The following PMS1 variants were observed in gnomAD, a reference collection of about 807,000 sequenced individuals.
PMS1 encodes PMS1 protein homolog 1.
In PMS1, 79 loss-of-function variants were observed where a neutral mutation model predicts 93.1. That is an observed-to-expected ratio of 0.85 (90% CI 0.71 to 1.02). The LOEUF (loss-of-function observed/expected upper bound fraction) is 1.02. Ranked by LOEUF, PMS1 falls within the 50% of genes least tolerant of loss-of-function variation. The probability of loss-of-function intolerance (pLI) is 0.00; values close to 1 mark genes in which losing one functional copy is unlikely to be tolerated. For synonymous variants in PMS1, 335 were observed against 363.4 expected (o/e 0.92, Z 0.89); for missense variants, 1,064 against 1,085.3 (o/e 0.98, Z 0.28).
intron 2 of PMS1, 45 bp from the exon 3 acceptor site, chr2:189,795,724 G>A: frequency 7.1e-7 from 1 of 1,413,652 alleles, no homozygotes; most frequent in Non-Finnish European, 1.0e-6. Context: ...TGTGATAACA[G>A]TTTAATATTT....
At chr2:189,833,828 G>A (rs1233242) in intron 5 of PMS1, among the ~76,000 whole-genome samples, 2,701 of 152,184 alleles carry the variant, frequency 0.018, 78 homozygotes, top group African/African-American at 0.061. Context: ...TTTGTTATAG[G>A]AAGTGCTTTA....
chr2:189,840,817 A>G (rs900608061), intron 5 of PMS1, among the ~76,000 whole-genome samples: 1 of 152,200 alleles, frequency 6.6e-6, no homozygotes, highest in South Asian at 2.1e-4. Context: ...TACTATTCTA[A>G]TGTGCTTTTT....
chr2:189,834,097 A>T (rs763963126), intron 5 of PMS1, among the ~76,000 whole-genome samples: 1 of 152,172 alleles, frequency 6.6e-6, no homozygotes, highest in African/African-American at 2.4e-5. Context: ...GAGCATTCAC[A>T]GCACAGCGCC....
chr2:189,867,146 G>T lies in PMS1; in HGVS notation c.2343-653G>T, dbSNP rs554832856. ...TATTCATTGAAGGAGTGGCAAGATG[G>T]TAACTATTCACATCAACCCCGACAG... On this transcript the variant is annotated intron_variant, in intron 10 of 12. Coordinates refer to ENST00000441310, the MANE Select transcript of PMS1 (RefSeq NM_000534.5). Among the ~76,000 whole-genome samples the T allele has an allele frequency of 4.6e-5, 7 of 152,306 alleles. No homozygotes were observed. The South Asian group carries it at 8.3e-4, about 18-fold the overall frequency.
At chr2:189,839,552 T>A (rs1408551904) in intron 5 of PMS1, among the ~76,000 whole-genome samples, 1 of 152,212 alleles carries the variant, frequency 6.6e-6, no homozygotes, top group East Asian at 1.9e-4. Flanking sequence ...GCATGTACTA[T>A]CCTATTTGTC....
rs1470231307 is a variant in PMS1 at position 189,823,642 on chromosome 2, A to T, written c.582+5462A>T. 4.6e-5 allele frequency among the ~76,000 whole-genome samples: 7 copies of T among 152,260 alleles called. 1 individual carries two copies. Among genetic ancestry groups the T allele is most frequent in the Non-Finnish European group, 8.8e-5 (6 of 68,048 alleles). On this transcript the variant is annotated intron_variant, in intron 5 of 12. Coordinates refer to ENST00000441310, the MANE Select transcript of PMS1 (RefSeq NM_000534.5). ...ATGTCTGCCGTGTTGCTCATTTAAA[A>T]AAAGTATTTATTGAATAAGGCTGTT...
intron 5 of PMS1, among the ~76,000 whole-genome samples, chr2:189,832,232 A>G (rs1348868124): frequency 6.6e-6 from 1 of 152,196 alleles, no homozygotes; most frequent in African/African-American, 2.4e-5. Flanking sequence ...TGGAGTTGTA[A>G]TGCAGAAGAG....
At chr2:189,832,394 A>G (rs1249929177) in intron 5 of PMS1, among the ~76,000 whole-genome samples, 1 of 152,192 alleles carries the variant, frequency 6.6e-6, no homozygotes, top group Non-Finnish European at 1.5e-5. Flanking sequence ...GTAAAGTCAA[A>G]TATGTTAGAA....
chr2:189,836,656 A>C (rs943039076), intron 5 of PMS1, among the ~76,000 whole-genome samples: 1 of 152,206 alleles, frequency 6.6e-6, no homozygotes, highest in Non-Finnish European at 1.5e-5. Flanking sequence ...CCCAATGAGA[A>C]GATTTTACTT....
chr2:189,826,834 TATTAA>T (rs779142552), intron 5 of PMS1, among the ~76,000 whole-genome samples: 4 of 152,204 alleles, frequency 2.6e-5, no homozygotes, highest in East Asian at 1.9e-4. Flanking sequence ...CAGGATGGAA[TATTAA>T]ATTAATTAGG....
At chr2:189,876,440 A>G (rs1275896360) in intron 12 of PMS1, among the ~76,000 whole-genome samples, 4 of 152,194 alleles carry the variant, frequency 2.6e-5, no homozygotes, top group Non-Finnish European at 5.9e-5. Flanking sequence ...CAAAACACCA[A>G]TTCCTCACCC....
chr2:189,836,339 A>G (rs1377454138), intron 5 of PMS1, among the ~76,000 whole-genome samples: 2 of 152,234 alleles, frequency 1.3e-5, no homozygotes, highest in Non-Finnish European at 2.9e-5. Flanking sequence ...CATACTGACT[A>G]GAGTCAGATT....
chr2:189,817,413 T>G (rs1472703119), intron 4 of PMS1, among the ~76,000 whole-genome samples: 1 of 152,248 alleles, frequency 6.6e-6, no homozygotes, highest in Non-Finnish European at 1.5e-5. Context: ...CATTCAGTCC[T>G]AATTTTATGT....
At chr2:189,872,137 C>T (rs777180116) in intron 11 of PMS1, among the ~76,000 whole-genome samples, 112 of 152,140 alleles carry the variant, frequency 7.4e-4, no homozygotes, top group Non-Finnish European at 1.4e-3. Flanking sequence ...AGGGGACACA[C>T]ATCTAAACCA....
intron 12 of PMS1, among the ~76,000 whole-genome samples, chr2:189,875,937 T>C (rs992620787): frequency 1.8e-4 from 21 of 115,150 alleles, no homozygotes; most frequent in Admixed American, 1.0e-3. Flanking sequence ...GCCTGGGCGA[T>C]AGAGCTAGAC....
At position 189,843,983 on chromosome 2, in the gene PMS1, G is replaced by T. The variant is rs762396678; in HGVS notation, c.602G>T (p.Ser201Ile). Residue 201 changes from serine (S) to isoleucine (I), a missense_variant, in exon 6 of 13, where the codon AGC becomes ATC. By Grantham distance (142) the Ser-to-Ile change is moderately radical. Coordinates refer to ENST00000441310, the MANE Select transcript of PMS1 (RefSeq NM_000534.5). ...VHNKAVIWQK[S>I]RVSDHKMALM... ...CCCTAGGCAGTTATTTGGCAGAAAAGCAGAGTATCAGATCACAAGATGGCT... is the reference window on the plus strand; with the variant it reads ...CCCTAGGCAGTTATTTGGCAGAAAATCAGAGTATCAGATCACAAGATGGCT... 1.9e-6 allele frequency: 3 copies of T among 1,613,970 alleles called. No individual in the cohort carries two copies. The highest frequency in any genetic ancestry group is 1.7e-6 in the Non-Finnish European group (2 of 1,179,918).
chr2:189,792,799 A>T (rs1007224670), intron 2 of PMS1, among the ~76,000 whole-genome samples: 47 of 148,080 alleles, frequency 3.2e-4, no homozygotes, highest in Non-Finnish European at 1.9e-4. Context: ...TTTATTTTTT[A>T]TTTATTTATT....
chr2:189,785,476 G>A (rs2048218967), intron 1 of PMS1: 1 of 152,142 alleles, frequency 6.6e-6, no homozygotes, highest in Admixed American at 6.6e-5. Flanking sequence ...TGATTTGTAA[G>A]CCCGATATAA....
chr2:189,828,398 C>T (rs182727972), intron 5 of PMS1, among the ~76,000 whole-genome samples: 1 of 152,298 alleles, frequency 6.6e-6, no homozygotes, highest in African/African-American at 2.4e-5. Context: ...ATTATGTATA[C>T]ATGCATTAAA....
Sources: allele counts gnomAD v4.1 joint callset (sites outside exome capture counted in the v4.1 genomes callset), GRCh38; gene constraint gnomAD v4.1.1; transcripts MANE v1.5; gene names NCBI Gene and HGNC (gene_info 2026-07-23, HGNC 2026-07-21).